ARHGAP29: variants seen among roughly 807,000 people sequenced by gnomAD.
ARHGAP29 encodes rho GTPase-activating protein 29.
A neutral mutation model predicts 122.6 loss-of-function variants in ARHGAP29; 43 were observed. The observed-to-expected ratio is 0.35, with a 90% confidence interval of 0.27 to 0.45. ARHGAP29 has a LOEUF of 0.45. Among genes scored for constraint, ARHGAP29 ranks in the 20% least tolerant of loss-of-function variants. The pLI, the probability that ARHGAP29 is intolerant of heterozygous loss-of-function variation, is 1.00. For missense variants in ARHGAP29, 1,303 were observed against 1,477.2 expected, an observed-to-expected ratio of 0.88 and a Z score of 1.93; for synonymous variants, 506 against 497.1, an observed-to-expected ratio of 1.02 and a Z score of -0.24.
At chr1:94,199,688 A>G (rs1650713361) in intron 12 of ARHGAP29, among the ~76,000 whole-genome samples, 1 of 152,188 alleles carries the variant, frequency 6.6e-6, no homozygotes, top group Non-Finnish European at 1.5e-5. Flanking sequence ...GTCCATGGAA[A>G]TTCACACTAG....
chr1:94,217,524 C>T lies in ARHGAP29; in HGVS notation c.340+2734G>A, dbSNP rs530864542. Among the ~76,000 whole-genome samples the T allele has an allele frequency of 6.9e-3, 489 of 70,800 alleles. 2 individuals are homozygous for T. Among genetic ancestry groups the T allele is most frequent in the Non-Finnish European group, 0.014 (379 of 27,412 alleles). 46.4% of individuals were successfully genotyped at this position (70,800 alleles called of 152,430 possible). A position where few individuals can be genotyped will look rare whatever the true frequency, so the allele number is the denominator to read the frequency against. On this transcript the variant is annotated intron_variant, in intron 3 of 22. Coordinates refer to ENST00000260526, the MANE Select transcript of ARHGAP29 (RefSeq NM_004815.4). Reference sequence around the variant, plus strand: ...ACTCCAGCCGGTGTGACAGAGACACCGTCTCAAAAAAAAAAAAAAACACTC... The same window carrying T: ...ACTCCAGCCGGTGTGACAGAGACACTGTCTCAAAAAAAAAAAAAAACACTC...
chr1:94,205,652 T>A lies in ARHGAP29; in HGVS notation c.542A>T (p.Asp181Val). The A allele has an allele frequency of 6.2e-7, 1 of 1,612,522 alleles. No individual in the cohort carries two copies. The highest frequency in any genetic ancestry group is 8.5e-7 in the Non-Finnish European group (1 of 1,179,268). ...AGCATTACCTTTTTCACTGGATGAG[T>A]CCACTGATTCCACAGAAACATTTTC... Reference protein sequence around the residue: ...SFENVSVESVDSSSEKGNFSP... With the variant: ...SFENVSVESVVSSSEKGNFSP... The change falls in exon 6 of 23, where the codon GAC becomes GTC. Residue 181 changes from aspartate to valine, a missense_variant. Coordinates refer to ENST00000260526, the MANE Select transcript of ARHGAP29 (RefSeq NM_004815.4).
intron 1 of ARHGAP29, among the ~76,000 whole-genome samples, chr1:94,247,229 C>T (rs1161680105): frequency 1.3e-5 from 2 of 152,082 alleles, no homozygotes; most frequent in Non-Finnish European, 2.9e-5. Context: ...GGTAAAGGAG[C>T]CCCTGAATTC....
rs747270052 is a variant in ARHGAP29 at position 94,184,296 on chromosome 1, AG to A, written c.2110-9del. On this transcript the variant is annotated splice_polypyrimidine_tract_variant and intron_variant, in intron 18 of 22. Coordinates refer to ENST00000260526, the MANE Select transcript of ARHGAP29 (RefSeq NM_004815.4). ...ACACACACGATAAATTCCCTTCAAT[AG>A]AAAAGAAAAAAATTTTGCAAAATTC... 1 of 1,588,450 alleles carries A rather than the reference AG, an allele frequency of 6.3e-7. No individual in the cohort carries two copies. Among genetic ancestry groups the A allele is most frequent in the South Asian group, 1.2e-5 (1 of 84,718 alleles).
chr1:94,266,549 G>A (rs182335932), intron 1 of ARHGAP29, among the ~76,000 whole-genome samples: 1 of 152,154 alleles, frequency 6.6e-6, no homozygotes, highest in East Asian at 1.9e-4. Context: ...CATGAACTGA[G>A]CCCCTTCATA....
chr1:94,184,012 T>C, intron 19 of ARHGAP29, 139 bp downstream of exon 19: 1 of 863,710 alleles, frequency 1.2e-6, no homozygotes, highest in South Asian at 1.6e-5. Flanking sequence ...TACTCTGACC[T>C]ATGCACTAAT....
intron 12 of ARHGAP29, among the ~76,000 whole-genome samples, chr1:94,196,280 G>C (rs1368541148): frequency 2.3e-4 from 2 of 8,758 alleles, no homozygotes; most frequent in Non-Finnish European, 3.6e-4. Context: ...TTTTTTTTTT[G>C]AGACGGAGTC....
At chr1:94,189,781 C>A in intron 13 of ARHGAP29, 145 bp downstream of exon 13, 1 of 730,010 alleles carries the variant, frequency 1.4e-6, no homozygotes, top group Non-Finnish European at 2.2e-6. Flanking sequence ...AATATATCTA[C>A]TTCGATACCA....
At chr1:94,281,637 G>A in the ARHGAP29 span, among the ~76,000 whole-genome samples, 3 of 152,138 alleles carry the variant, frequency 2.0e-5, no homozygotes, top group East Asian at 1.9e-4. Flanking sequence ...TTTGAATTAT[G>A]TGCACATAGA....
At chr1:94,210,621 A>G (rs2101546112) in intron 3 of ARHGAP29, among the ~76,000 whole-genome samples, 1 of 152,308 alleles carries the variant, frequency 6.6e-6, no homozygotes, top group East Asian at 1.9e-4. Context: ...AGAAAAAGTT[A>G]CCATTGCGAA....
At chr1:94,227,590 A>C (rs1652680923) in intron 2 of ARHGAP29, among the ~76,000 whole-genome samples, 1 of 151,794 alleles carries the variant, frequency 6.6e-6, no homozygotes, top group Admixed American at 6.6e-5. Flanking sequence ...GATATTTTAT[A>C]CTATTCTTTC....
chr1:94,189,484 A>C, intron 13 of ARHGAP29, 132 bp from the exon 14 acceptor site: 1 of 1,093,878 alleles, frequency 9.1e-7, no homozygotes. Context: ...ATTAAAAACA[A>C]ACCACACTCA....
chr1:94,299,088 T>A, the ARHGAP29 span, among the ~76,000 whole-genome samples: 1 of 152,240 alleles, frequency 6.6e-6, no homozygotes, highest in East Asian at 1.9e-4. Context: ...GCACATTTCA[T>A]CACAAATGCT....
At chr1:94,275,789 G>A (rs755555324), upstream of ARHGAP29, among the ~76,000 whole-genome samples, 4 of 152,100 alleles carry the variant, frequency 2.6e-5, no homozygotes, top group Admixed American at 6.5e-5. Context: ...AAGATATGTT[G>A]GAGTGGTAGA....
the ARHGAP29 span, among the ~76,000 whole-genome samples, chr1:94,284,372 G>A: frequency 1.4e-3 from 217 of 152,216 alleles, no homozygotes; most frequent in African/African-American, 5.0e-3. Flanking sequence ...AGAGATTATT[G>A]TTATAATTTT....
chr1:94,278,715 G>A (rs920019484), upstream of ARHGAP29, among the ~76,000 whole-genome samples: 1 of 152,156 alleles, frequency 6.6e-6, no homozygotes, highest in African/African-American at 2.4e-5. Context: ...TTTATTAAAC[G>A]AAAGTCTCTG....
intron 2 of ARHGAP29, among the ~76,000 whole-genome samples, chr1:94,223,593 A>C (rs1007712461): frequency 6.6e-6 from 1 of 152,118 alleles, no homozygotes; most frequent in Non-Finnish European, 1.5e-5. Flanking sequence ...CACTAAAAAA[A>C]ACTATATATA....
At chr1:94,260,603 T>C (rs1020127286) in intron 1 of ARHGAP29, among the ~76,000 whole-genome samples, 1 of 151,766 alleles carries the variant, frequency 6.6e-6, no homozygotes, top group Non-Finnish European at 1.5e-5. Flanking sequence ...TCTTGGAGAG[T>C]TTAAATAGAA....
chr1:94,183,370 A>C (rs1649598898), intron 19 of ARHGAP29, among the ~76,000 whole-genome samples: 1 of 152,104 alleles, frequency 6.6e-6, no homozygotes, highest in African/African-American at 2.4e-5. Flanking sequence ...TCTCATGACA[A>C]TGTGCTGATT....
Sources: gnomAD v4.1 joint callset for allele counts (sites outside exome capture counted in the v4.1 genomes callset) on GRCh38, gnomAD v4.1.1 for gene constraint, MANE v1.5 for transcripts, NCBI Gene and HGNC (gene_info 2026-07-23, HGNC 2026-07-21) for gene names.